The following DUSP16 variants were observed in gnomAD, a reference collection of about 807,000 sequenced individuals.
DUSP16 encodes dual specificity protein phosphatase 16.
A neutral mutation model predicts 58.3 loss-of-function variants in DUSP16; 21 were observed. The ratio of observed to expected loss-of-function variants is 0.36; its 90% confidence interval spans 0.26 to 0.52. The LOEUF (loss-of-function observed/expected upper bound fraction) is 0.52. Among genes scored for constraint, DUSP16 ranks in the 20% least tolerant of loss-of-function variants. DUSP16 has a pLI of 0.94. For missense variants in DUSP16, 726 were observed against 819.0 expected (o/e 0.89, Z 1.39); for synonymous variants, 320 against 323.8 (o/e 0.99, Z 0.12).
At chr12:12,551,345 A>C (rs1353277316) in intron 1 of DUSP16, among the ~76,000 whole-genome samples, 1 of 151,932 alleles carries the variant, frequency 6.6e-6, no homozygotes, top group Non-Finnish European at 1.5e-5. Context: ...TCTACTAAAA[A>C]TACAAAAAAA....
At chr12:12,550,740 G>A (rs1379162324) in intron 1 of DUSP16, among the ~76,000 whole-genome samples, 1 of 152,036 alleles carries the variant, frequency 6.6e-6, no homozygotes, top group African/African-American at 2.4e-5. Flanking sequence ...GGGGTCTGTT[G>A]GGGATTGGGA....
At chr12:12,529,915 G>A (rs184640841) in intron 1 of DUSP16, among the ~76,000 whole-genome samples, 12 of 152,148 alleles carry the variant, frequency 7.9e-5, no homozygotes, top group African/African-American at 2.6e-4. Context: ...TATATACCAC[G>A]TTTTCTTTAT....
At chr12:12,482,959 C>G (rs151021831) in intron 5 of DUSP16, among the ~76,000 whole-genome samples, 1 of 152,224 alleles carries the variant, frequency 6.6e-6, no homozygotes, top group African/African-American at 2.4e-5. Context: ...GCAATCCTCC[C>G]GCCTCCGCTT....
At chr12:12,509,450 T>C (rs1453009273) in intron 3 of DUSP16, among the ~76,000 whole-genome samples, 1 of 152,006 alleles carries the variant, frequency 6.6e-6, no homozygotes, top group Non-Finnish European at 1.5e-5. Flanking sequence ...AAAAGTTTCA[T>C]GATACTATCT....
chr12:12,547,053 A>ACC (rs1249614836), intron 1 of DUSP16, among the ~76,000 whole-genome samples: 1 of 152,218 alleles, frequency 6.6e-6, no homozygotes. Context: ...ACTTCTTTAT[A>ACC]CCTGGCATGA....
At chr12:12,495,505 A>G (rs964968517) in intron 4 of DUSP16, among the ~76,000 whole-genome samples, 2 of 152,148 alleles carry the variant, frequency 1.3e-5, no homozygotes, top group Non-Finnish European at 2.9e-5. Context: ...TCCCTTGAAA[A>G]CTTTCTCTCT....
intron 1 of DUSP16, among the ~76,000 whole-genome samples, chr12:12,544,122 C>T (rs1944604896): frequency 1.3e-5 from 2 of 152,204 alleles, no homozygotes; most frequent in Non-Finnish European, 1.5e-5. Flanking sequence ...CCCACCTGTA[C>T]TCCAGAAGTT....
chr12:12,535,301 GCTATATCC>G (rs2136245714), intron 1 of DUSP16, among the ~76,000 whole-genome samples: 1 of 152,322 alleles, frequency 6.6e-6, no homozygotes, highest in South Asian at 2.1e-4. Flanking sequence ...ATAGTAATGG[GCTATATCC>G]CATAGAAGAA....
At chr12:12,539,403 G>C (rs1179629328) in intron 1 of DUSP16, among the ~76,000 whole-genome samples, 1 of 152,104 alleles carries the variant, frequency 6.6e-6, no homozygotes, top group African/African-American at 2.4e-5. Context: ...AATAAGACAG[G>C]GTTTATGGGT....
chr12:12,524,491 A>C (rs1197999855), intron 1 of DUSP16, among the ~76,000 whole-genome samples: 1 of 152,218 alleles, frequency 6.6e-6, no homozygotes, highest in African/African-American at 2.4e-5. Context: ...AATTTTGGTT[A>C]AATCTCCATC....
intron 4 of DUSP16, among the ~76,000 whole-genome samples, chr12:12,495,236 CAA>C (rs10555943): frequency 0.31 from 30,438 of 98,788 alleles, 1,797 homozygotes; most frequent in East Asian, 0.44. Context: ...AAAGCCATTA[CAA>C]AAAAAAAAAA....
At chr12:12,524,725 G>C (rs1944279345) in intron 1 of DUSP16, among the ~76,000 whole-genome samples, 1 of 152,072 alleles carries the variant, frequency 6.6e-6, no homozygotes, top group Admixed American at 6.6e-5. Flanking sequence ...GACCAGCTTT[G>C]CTATTTATCT....
chr12:12,527,406 T>G (rs180783726), intron 1 of DUSP16, among the ~76,000 whole-genome samples: 4 of 152,106 alleles, frequency 2.6e-5, no homozygotes, highest in African/African-American at 4.8e-5. Context: ...TGGGTTAAGA[T>G]AAACTTGATA....
At chr12:12,478,548 C>T (rs1943503288) in intron 6 of DUSP16, among the ~76,000 whole-genome samples, 1 of 152,148 alleles carries the variant, frequency 6.6e-6, no homozygotes, top group African/African-American at 2.4e-5. Context: ...GTTGCCCAGG[C>T]TGGTCTTGAA....
chr12:12,507,232 T>A, intron 3 of DUSP16, among the ~76,000 whole-genome samples: 1 of 152,228 alleles, frequency 6.6e-6, no homozygotes, highest in East Asian at 1.9e-4. Flanking sequence ...CTGATATTCT[T>A]AAAATGTTTT....
rs183775537 is a variant in DUSP16 at position 12,475,014 on chromosome 12, C to G, written c.*1819G>C. The stretch of plus-strand genomic sequence containing the variant: ...ATCATAGCACATTATTTGTGCACAA[C>G]TAGTGAGGTCTGTGCGGCTCATCAT... On this transcript the variant is annotated 3_prime_UTR_variant, in exon 7 of 7. Transcript: ENST00000298573. 9.8e-5 allele frequency: 15 copies of G among 152,350 alleles called. No homozygotes were observed. Among genetic ancestry groups the G allele is most frequent in the African/African-American group, 3.6e-4 (15 of 41,560 alleles). The allele number at this position is 152,350 out of a possible 1,614,324, so 9.4% of individuals were successfully genotyped here.
intron 1 of DUSP16, among the ~76,000 whole-genome samples, chr12:12,544,940 T>C (rs937786292): frequency 6.6e-6 from 1 of 152,190 alleles, no homozygotes; most frequent in African/African-American, 2.4e-5. Flanking sequence ...AGTATCTACA[T>C]ATATGGGTCT....
intron 1 of DUSP16, among the ~76,000 whole-genome samples, chr12:12,522,135 G>GAGCT (rs1269962189): frequency 6.6e-6 from 1 of 152,212 alleles, no homozygotes; most frequent in African/African-American, 2.4e-5. Context: ...AGCAGCTGCT[G>GAGCT]AGCTAGGCCT....
intron 1 of DUSP16, among the ~76,000 whole-genome samples, chr12:12,522,562 G>A (rs1433289408): frequency 1.3e-5 from 2 of 151,150 alleles, no homozygotes; most frequent in African/African-American, 4.8e-5. Flanking sequence ...ACTTCTAGAG[G>A]GTAAATTTTT....
Sources: gnomAD v4.1 joint callset for allele counts (sites outside exome capture counted in the v4.1 genomes callset) on GRCh38, gnomAD v4.1.1 for gene constraint, MANE v1.5 for transcripts, NCBI Gene and HGNC (gene_info 2026-07-23, HGNC 2026-07-21) for gene names.